OSBP: variants seen among roughly 807,000 people sequenced by gnomAD.
OSBP encodes the protein oxysterol binding protein.
Under a neutral mutation model 96.6 loss-of-function variants are expected in OSBP, and 32 were observed. The observed-to-expected ratio is 0.33, with a 90% confidence interval of 0.25 to 0.45. OSBP has a LOEUF of 0.45. OSBP is among the 20% of genes least tolerant of loss of function. The pLI is 1.00. For synonymous variants in OSBP, 369 were observed against 389.6 expected, an observed-to-expected ratio of 0.95 and a Z score of 0.62; for missense variants, 653 against 1,029.7, an observed-to-expected ratio of 0.63 and a Z score of 5.01.
chr11:59,597,081 T>C (rs1590673700), intron 7 of OSBP, among the ~76,000 whole-genome samples: 1 of 152,078 alleles, frequency 6.6e-6, no homozygotes, highest in African/African-American at 2.4e-5. Flanking sequence ...TTTTTTGAGA[T>C]GGAGTCTCAC....
Position 59,615,566 on chromosome 11 carries a change from G to A in OSBP, c.99C>T (p.Gly33=), listed in dbSNP as rs1342823112. The A allele has an allele frequency of 2.9e-6, 4 of 1,363,290 alleles. No homozygotes were observed. The highest frequency in any genetic ancestry group is 3.1e-5 in the East Asian group (1 of 31,770). 84.4% of individuals were successfully genotyped at this position (1,363,290 alleles called of 1,614,324 possible). ...CTGGCCCCGCATCTCCGCGGCCGCC[G>A]CCTCCTCCCACCACTGGGGGACCGG... is the stretch of plus-strand genomic sequence containing the variant. ...GGAGPPVVGG[G]GGRGDAGPGS... The change falls in exon 1 of 14, where the codon GGC becomes GGT. Residue 33 remains glycine (G), a synonymous_variant. Coordinates refer to ENST00000263847, the MANE Select transcript of OSBP (RefSeq NM_002556.3).
intron 9 of OSBP, among the ~76,000 whole-genome samples, chr11:59,585,476 G>C (rs374900630): frequency 1.3e-4 from 19 of 151,616 alleles, no homozygotes; most frequent in Admixed American, 1.2e-3. Flanking sequence ...CCCTCCGCCC[G>C]GCAGCCACCC....
intron 9 of OSBP, among the ~76,000 whole-genome samples, chr11:59,591,226 C>T (rs926569658): frequency 5.9e-5 from 9 of 152,002 alleles, no homozygotes; most frequent in Admixed American, 5.2e-4. Context: ...TAACAAATTA[C>T]TAAAAATTAG....
chr11:59,615,411 C>A lies in OSBP; in HGVS notation c.254G>T (p.Gly85Val), dbSNP rs757826892. The change falls in exon 1 of 14, where the codon GGG becomes GTG. Residue 85 changes from glycine to valine, a missense_variant. Around this residue, in one of 6 missense-constraint regions of OSBP, gnomAD observed 151 missense variants for 146.1 expected, o/e 1.03. Coordinates refer to ENST00000263847, the MANE Select transcript of OSBP (RefSeq NM_002556.3). ...GCCCTCTCGAGCCGAGCCCGAACCC[C>A]CAGCGCCCGAGCCGCCCGAGCCCCC... ...PTGGSGGSGA[G>V]GSGSAREGWL... 1 of 1,543,392 alleles carries A rather than the reference C, an allele frequency of 6.5e-7. No homozygotes were observed. The highest frequency in any genetic ancestry group is 1.2e-5 in the South Asian group (1 of 86,136).
At chr11:59,593,542 C>G in intron 9 of OSBP, 62 bp downstream of exon 9, 1 of 1,593,084 alleles carries the variant, frequency 6.3e-7, no homozygotes. Context: ...GTGACCTCCT[C>G]CATCGTGCCA....
At chr11:59,580,295 A>G (rs753291999) in intron 10 of OSBP, 26 bp from the exon 11 acceptor site, 3 of 1,420,714 alleles carry the variant, frequency 2.1e-6, no homozygotes, top group African/African-American at 2.8e-5. Context: ...ATTCAGTTTT[A>G]TTAAGACTGG....
intron 9 of OSBP, among the ~76,000 whole-genome samples, chr11:59,590,363 T>G (rs932137060): frequency 4.3e-4 from 65 of 152,340 alleles, no homozygotes; most frequent in African/African-American, 1.5e-3. Flanking sequence ...TCTCTCCTTT[T>G]CAGTACAGCC....
At chr11:59,611,122 C>A (rs1243082507) in intron 1 of OSBP, among the ~76,000 whole-genome samples, 1 of 119,450 alleles carries the variant, frequency 8.4e-6, no homozygotes, top group East Asian at 2.2e-4. Context: ...GCAACAAGAG[C>A]GAAACTCCGT....
intron 1 of OSBP, among the ~76,000 whole-genome samples, chr11:59,612,837 G>C (rs1224949350): frequency 1.3e-5 from 2 of 152,164 alleles, no homozygotes; most frequent in African/African-American, 4.8e-5. Flanking sequence ...ATGTTTCTGG[G>C]AGAGTTGGGA....
chr11:59,602,520 A>AT lies in OSBP; in HGVS notation c.823-683_823-682insA, dbSNP rs1410200314. Among the ~76,000 whole-genome samples the AT allele has an allele frequency of 2.0e-5, 3 of 152,178 alleles. No homozygotes were observed. The South Asian group carries it at 6.2e-4, about 31-fold the overall frequency. ...CTAACATGAGGATCAAATACTAACT[A>AT]CTGGTTATGAACATAAAGAGACCTT... On this transcript the variant is annotated intron_variant, in intron 3 of 13. Transcript: ENST00000263847.
rs1860447641 is a variant in OSBP, at chr11:59,583,361, A to AC, written c.1679-1808dup. On this transcript the variant is annotated intron_variant, in intron 9 of 13. Coordinates refer to ENST00000263847, the MANE Select transcript of OSBP (RefSeq NM_002556.3). ...TAAAGTCGATTTCAGTAAAAGTATA[A>AC]CCCTAAGTTCTCTCTGTAACCACTA... 2.6e-5 allele frequency among the ~76,000 whole-genome samples: 4 copies of AC among 152,214 alleles called. No homozygotes were observed. The South Asian group carries it at 8.3e-4, about 32-fold the overall frequency.
At chr11:59,588,193 A>G (rs1860525501) in intron 9 of OSBP, among the ~76,000 whole-genome samples, 1 of 152,190 alleles carries the variant, frequency 6.6e-6, no homozygotes, top group South Asian at 2.1e-4. Context: ...TAAAATAGAG[A>G]CAGAAAGTAG....
chr11:59,613,082 T>C (rs1860872091), intron 1 of OSBP, among the ~76,000 whole-genome samples: 1 of 152,172 alleles, frequency 6.6e-6, no homozygotes, highest in Non-Finnish European at 1.5e-5. Context: ...GTCTAAATAA[T>C]TCTTGGAGGA....
chr11:59,615,160 C>A (rs1860906925), intron 1 of OSBP, 143 bp downstream of exon 1: 2 of 627,134 alleles, frequency 3.2e-6, no homozygotes, highest in Admixed American at 5.2e-5. Flanking sequence ...GGCTCCGACC[C>A]CTGGGCTGTC....
chr11:59,577,002 T>C lies in OSBP; in HGVS notation c.2084A>G (p.Tyr695Cys). The change falls in exon 13 of 14, where the codon TAC becomes TGC. Residue 695 changes from tyrosine to cysteine, a missense_variant. Coordinates refer to ENST00000263847, the MANE Select transcript of OSBP (RefSeq NM_002556.3). ...PLPKNAENMY[Y>C]FSELALTLNA... ...GAGAGTCAGAGCAAGCTCTGAGAAG[T>C]AGTACATGTTTTCTGCATTCTTCCT... The C allele has an allele frequency of 6.2e-7, 1 of 1,613,360 alleles. No individual in the cohort carries two copies. Among genetic ancestry groups the C allele is most frequent in the Non-Finnish European group, 8.5e-7 (1 of 1,179,776 alleles).
intron 9 of OSBP, among the ~76,000 whole-genome samples, chr11:59,584,981 C>T (rs936747580): frequency 3.3e-5 from 5 of 152,194 alleles, no homozygotes; most frequent in East Asian, 3.8e-4. Context: ...GATCTCGGCT[C>T]GCTACAACCT....
intron 9 of OSBP, among the ~76,000 whole-genome samples, chr11:59,587,129 TA>T (rs563296151): frequency 1.3e-5 from 2 of 152,112 alleles, no homozygotes; most frequent in South Asian, 4.2e-4. Context: ...ATATATCTGA[TA>T]AGGGATTAAT....
intron 11 of OSBP, 103 bp from the exon 12 acceptor site, chr11:59,578,433 A>G: frequency 3.6e-6 from 4 of 1,114,930 alleles, no homozygotes; most frequent in Non-Finnish European, 5.2e-6. Context: ...AGGTCCTGTT[A>G]TAACAAACAC....
intron 3 of OSBP, among the ~76,000 whole-genome samples, chr11:59,606,263 A>G (rs1860779668): frequency 1.3e-5 from 2 of 152,160 alleles, no homozygotes; most frequent in African/African-American, 4.8e-5. Flanking sequence ...TGAATATACT[A>G]AAAGTGTCAA....
Sources: gnomAD v4.1 joint callset for allele counts (sites outside exome capture counted in the v4.1 genomes callset) on GRCh38, gnomAD v4.1.1 for gene constraint, gnomAD v4.1.1 regional missense constraint, MANE v1.5 for transcripts, NCBI Gene and HGNC (gene_info 2026-07-23, HGNC 2026-07-21) for gene names.